VSIG10L2: variants seen among roughly 807,000 people sequenced by gnomAD.
The protein encoded by VSIG10L2 is V-set and immunoglobulin domain containing 10 like 2.
In VSIG10L2, 56 loss-of-function variants were observed where a neutral mutation model predicts 67.1. That is an observed-to-expected ratio of 0.83 (90% CI 0.67 to 1.04). VSIG10L2 has a LOEUF of 1.04. VSIG10L2 is among the 50% of genes least tolerant of loss of function. The pLI is 0.00. For missense variants in VSIG10L2, 843 were observed against 932.8 expected, an observed-to-expected ratio of 0.90 and a Z score of 1.25; for synonymous variants, 360 against 396.6, an observed-to-expected ratio of 0.91 and a Z score of 1.10.
intron 2 of VSIG10L2, 87 bp downstream of exon 2, chr11:125,948,123 C>T (rs1565475578): frequency 4.1e-6 from 5 of 1,230,824 alleles, no homozygotes; most frequent in Non-Finnish European, 5.1e-6. Flanking sequence ...TGTGTGTGTG[C>T]GGGACCCAGG....
rs567716329 is a variant in VSIG10L2, at chr11:125,956,034, T to G, written c.*120T>G. On this transcript the variant is annotated 3_prime_UTR_variant, in exon 12 of 12. Coordinates refer to ENST00000686984, the MANE Select transcript of VSIG10L2 (RefSeq NM_001365077.2). The stretch of plus-strand genomic sequence containing the variant: ...TAAGACACCAACTACCACTTTCACT[T>G]AATACCCAGTCTTCACAACTGGTAC... 1.5e-6 allele frequency: 1 copy of G among 674,056 alleles called. No homozygotes were observed. The highest frequency in any genetic ancestry group is 1.6e-5 in the South Asian group (1 of 62,606). The allele number at this position is 674,056 out of a possible 1,614,324, so 41.8% of individuals were successfully genotyped here. A position where few individuals can be genotyped will look rare whatever the true frequency, so the allele number is the denominator to read the frequency against.
chr11:125,955,526 C>A lies in VSIG10L2; in HGVS notation c.2231+20C>A. 8.5e-7 allele frequency: 1 copy of A among 1,169,766 alleles called. No individual in the cohort carries two copies. The highest frequency in any genetic ancestry group is 1.3e-5 in the South Asian group (1 of 74,588). The allele number at this position is 1,169,766 out of a possible 1,614,324, so 72.5% of individuals were successfully genotyped here. ...TCCCACGTGAGTGTGGAACCCCAGT[C>A]ATCCTGGGGGCCAGGGCTTTCCTCC... On this transcript the variant is annotated intron_variant, in intron 10 of 11. Coordinates refer to ENST00000686984, the MANE Select transcript of VSIG10L2 (RefSeq NM_001365077.2).
chr11:125,947,341 C>T, intron 1 of VSIG10L2: 2 of 795,132 alleles, frequency 2.5e-6, no homozygotes, highest in Non-Finnish European at 3.0e-6. Context: ...TGGGCCCTGA[C>T]CCCCTCACCA....
In VSIG10L2 at chr11:125,954,179, G is replaced by C; in HGVS notation, c.1879G>C (p.Gly627Arg). 8.1e-7 allele frequency: 1 copy of C among 1,232,238 alleles called. No homozygotes were observed. Among genetic ancestry groups the C allele is most frequent in the Non-Finnish European group, 1.0e-6 (1 of 988,034 alleles). The allele number at this position is 1,232,238 out of a possible 1,614,324, so 76.3% of individuals were successfully genotyped here. A position where few individuals can be genotyped will look rare whatever the true frequency, so the allele number is the denominator to read the frequency against. The change falls in exon 8 of 12, where the codon GGG becomes CGG. Residue 627 changes from glycine (G) to arginine (R), a missense_variant. Physicochemically the swap from Gly to Arg is moderately radical, Grantham distance 125. Coordinates refer to ENST00000686984, the MANE Select transcript of VSIG10L2 (RefSeq NM_001365077.2). ...GCTTCAATGGGCCATCTTAGGACCC[G>C]GGAACCTGACGGGCTTCCTGGTGCA... The part of the protein sequence containing the change: ...VQLQWAILGP[G>R]NLTGFLVQRK...
In VSIG10L2 at chr11:125,955,507, G is replaced by GT. The variant is rs1337088802; in HGVS notation, c.2231+2dup. On this transcript the variant is annotated splice_donor_variant, in intron 10 of 11. Transcript: ENST00000686984. LOFTEE classifies it high-confidence loss of function. ...GCCTTGGTCAATTGCTTGTTCCCAC[G>GT]TGAGTGTGGAACCCCAGTCATCCTG... 84 of 970,082 alleles carry GT rather than the reference G, an allele frequency of 8.7e-5. No individual in the cohort carries two copies. The highest frequency in any genetic ancestry group is 8.8e-5 in the Non-Finnish European group (57 of 650,834). 60.1% of individuals were successfully genotyped at this position (970,082 alleles called of 1,614,324 possible).
In VSIG10L2 at chr11:125,954,155, C is replaced by G; in HGVS notation, c.1855C>G (p.Leu619Val). The change falls in exon 8 of 12, where the codon CTT becomes GTT. Residue 619 changes from leucine to valine, a missense_variant. This residue lies in a region of VSIG10L2 where 397 missense variants were observed against 384.4 expected (regional missense o/e 1.03). Coordinates refer to ENST00000686984, the MANE Select transcript of VSIG10L2 (RefSeq NM_001365077.2). ...CGGGAGGCACCGGAGAGAGGTGCAG[C>G]TTCAATGGGCCATCTTAGGACCCGG... Reference protein sequence around the residue: ...TYGRHRREVQLQWAILGPGNL... With the variant: ...TYGRHRREVQVQWAILGPGNL... The G allele has an allele frequency of 8.1e-7, 1 of 1,232,220 alleles. No individual in the cohort carries two copies. The highest frequency in any genetic ancestry group is 1.0e-6 in the Non-Finnish European group (1 of 988,050). 76.3% of individuals were successfully genotyped at this position (1,232,220 alleles called of 1,614,324 possible). A position where few individuals can be genotyped will look rare whatever the true frequency, so the allele number is the denominator to read the frequency against.
At position 125,950,305 on chromosome 11, in the gene VSIG10L2, G is replaced by A. The variant is rs550495886; in HGVS notation, c.985+16G>A. On this transcript the variant is annotated intron_variant, in intron 4 of 11. Transcript: ENST00000686984. Reference sequence around the variant, plus strand: ...ACCATCTACTGTGAGTGTGGGGGTCGGGTGACGCCCAGACCTGTCCTGGGG... The same window carrying A: ...ACCATCTACTGTGAGTGTGGGGGTCAGGTGACGCCCAGACCTGTCCTGGGG... The A allele has an allele frequency of 2.0e-5, 25 of 1,232,340 alleles. No homozygotes were observed. The highest frequency in any genetic ancestry group is 4.1e-5 in the South Asian group (1 of 24,310). 76.3% of individuals were successfully genotyped at this position (1,232,340 alleles called of 1,614,324 possible). A position where few individuals can be genotyped will look rare whatever the true frequency, so the allele number is the denominator to read the frequency against.
chr11:125,955,218 C>A (rs1387729492), intron 9 of VSIG10L2, 39 bp downstream of exon 9: 3 of 1,260,808 alleles, frequency 2.4e-6, no homozygotes, highest in Admixed American at 3.8e-5. Flanking sequence ...CTTGACCCCA[C>A]AGGGTGGCCA....
Position 125,949,488 on chromosome 11 carries a change from C to G in VSIG10L2, c.710-526C>G, listed in dbSNP as rs139633605. On this transcript the variant is annotated intron_variant, in intron 3 of 11. Coordinates refer to ENST00000686984, the MANE Select transcript of VSIG10L2 (RefSeq NM_001365077.2). ...AGCAGGAGAGTTCTTGCGAAAGAGGCAGGAGCAGACTGGAAGTAGGCAAAG... is the reference window on the plus strand; with the variant it reads ...AGCAGGAGAGTTCTTGCGAAAGAGGGAGGAGCAGACTGGAAGTAGGCAAAG... Among the ~76,000 whole-genome samples, 420 of 152,238 alleles carry G rather than the reference C, an allele frequency of 2.8e-3. 1 individual carries two copies. Among genetic ancestry groups the G allele is most frequent in the African/African-American group, 8.4e-3 (349 of 41,538 alleles).
intron 4 of VSIG10L2, 48 bp downstream of exon 4, chr11:125,950,337 C>T: frequency 1.6e-6 from 2 of 1,231,924 alleles, no homozygotes; most frequent in Non-Finnish European, 2.0e-6. Context: ...GGGGACAACT[C>T]ACGCTGGAGC....
chr11:125,946,056 ATGG>A lies in VSIG10L2; in HGVS notation c.5_7del (p.Val2?). On this transcript the variant is annotated start_lost and inframe_deletion, in exon 1 of 12. Coordinates refer to ENST00000686984, the MANE Select transcript of VSIG10L2 (RefSeq NM_001365077.2). This position sits in a 1 kb window ranked among gnomAD's most constrained non-coding sequence, Gnocchi z 4.4. Reference sequence around the variant, plus strand: ...GGGTGGCCATCAGGGAGATGGGGCCATGGTGGGTCAGAGGGCCCAGCACAGCCC... The same window carrying A: ...GGGTGGCCATCAGGGAGATGGGGCCATGGGTCAGAGGGCCCAGCACAGCCC... 1 of 399,256 alleles carries A rather than the reference ATGG, an allele frequency of 2.5e-6. No individual in the cohort carries two copies. The highest frequency in any genetic ancestry group is 3.6e-5 in the East Asian group (1 of 28,064). 24.7% of individuals were successfully genotyped at this position (399,256 alleles called of 1,614,324 possible).
intron 4 of VSIG10L2, 105 bp from the exon 5 acceptor site, chr11:125,950,805 C>G (rs745725352): frequency 9.1e-6 from 10 of 1,101,420 alleles, no homozygotes; most frequent in Middle Eastern, 6.7e-4. Context: ...TCCCTGCTCC[C>G]CTACCCACTG....
chr11:125,947,439 G>A, intron 1 of VSIG10L2: 1 of 985,442 alleles, frequency 1.0e-6, no homozygotes, highest in Non-Finnish European at 1.2e-6. Context: ...GAGTGGGGAT[G>A]TCTGCTCCAG....
intron 4 of VSIG10L2, among the ~76,000 whole-genome samples, 185 bp downstream of exon 4, chr11:125,950,474 T>TGGGAAGGGGAAG (rs369868883): frequency 4.0e-4 from 60 of 148,550 alleles, no homozygotes; most frequent in African/African-American, 1.4e-3. Context: ...AAGAAAACTG[T>TGGGAAGGGGAAG]GGGAAGGGGA....
intron 4 of VSIG10L2, among the ~76,000 whole-genome samples, chr11:125,950,536 G>A (rs528197995): frequency 2.6e-5 from 4 of 152,264 alleles, no homozygotes; most frequent in Admixed American, 6.5e-5. Context: ...GCACCCCGCC[G>A]CTAAGTGATT....
intron 3 of VSIG10L2, among the ~76,000 whole-genome samples, chr11:125,949,442 T>C (rs1380144348): frequency 1.3e-5 from 2 of 152,156 alleles, no homozygotes; most frequent in African/African-American, 2.4e-5. Flanking sequence ...AATTGTGAAC[T>C]GAGGACTGTT....
rs1007798748 is a variant in VSIG10L2, at chr11:125,948,396, A to C, written c.525A>C (p.Thr175=). 1.6e-6 allele frequency: 2 copies of C among 1,232,370 alleles called. No individual in the cohort carries two copies. Among genetic ancestry groups the C allele is most frequent in the Non-Finnish European group, 2.0e-6 (2 of 988,110 alleles). The allele number at this position is 1,232,370 out of a possible 1,614,324, so 76.3% of individuals were successfully genotyped here. ...VVATCAVREG[T]EPVTFAWQHR... ...CCACGTGTGCAGTGCGGGAGGGCAC[A>C]GAGCCCGTGACCTTTGCCTGGCAGC... The change falls in exon 3 of 12, where the codon ACA becomes ACC. Residue 175 remains threonine (T), a synonymous_variant. Transcript: ENST00000686984.
chr11:125,950,033 G>T lies in VSIG10L2; in HGVS notation c.729G>T (p.Val243=). Residue 243 remains valine, a synonymous_variant, in exon 4 of 12, where the codon GTG becomes GTT. Transcript: ENST00000686984. ...LDVIYGPDKP[V]ITMEPLGLTE... is the part of the protein sequence containing the mutation. ...CTCCAGATGGTCCTGACAAGCCTGT[G>T]ATCACCATGGAGCCGCTGGGACTCA... 1 of 1,232,334 alleles carries T rather than the reference G, an allele frequency of 8.1e-7. No individual in the cohort carries two copies. Among genetic ancestry groups the T allele is most frequent in the African/African-American group, 1.5e-5 (1 of 64,560 alleles). The allele number at this position is 1,232,334 out of a possible 1,614,324, so 76.3% of individuals were successfully genotyped here.
In VSIG10L2 at chr11:125,946,685, G is replaced by GCACC. The variant is rs1565475104; in HGVS notation, c.82+548_82+549insCACC. Reference sequence around the variant, plus strand: ...ACCAAGTAGCTGGGATTACAGGTGTGTGCCACCATGCCCAGCTAATTTTTG... The same window carrying GCACC: ...ACCAAGTAGCTGGGATTACAGGTGTGCACCTGCCACCATGCCCAGCTAATTTTTG... On this transcript the variant is annotated intron_variant, in intron 1 of 11. Transcript: ENST00000686984. This position sits in a 1 kb window ranked among gnomAD's most constrained non-coding sequence, Gnocchi z 4.4. Among the ~76,000 whole-genome samples the GCACC allele has an allele frequency of 2.0e-5, 3 of 151,996 alleles. No individual in the cohort carries two copies. Among genetic ancestry groups the GCACC allele is most frequent in the Non-Finnish European group, 2.9e-5 (2 of 68,014 alleles).
Sources: allele counts gnomAD v4.1 joint callset (sites outside exome capture counted in the v4.1 genomes callset), GRCh38; gene constraint gnomAD v4.1.1; regional missense constraint gnomAD v4.1.1; non-coding constraint Gnocchi (gnomAD v3.1); transcripts MANE v1.5; gene names NCBI Gene and HGNC (gene_info 2026-07-23, HGNC 2026-07-21).